GRIN2B: variants seen among roughly 807,000 people sequenced by gnomAD.
GRIN2B encodes the protein glutamate receptor ionotropic, NMDA 2B.
In GRIN2B, 5 loss-of-function variants were observed where a neutral mutation model predicts 114.5. That is an observed-to-expected ratio of 0.04 (90% CI 0.02 to 0.09). GRIN2B has a LOEUF of 0.09. GRIN2B is among the 10% of genes least tolerant of loss of function. The pLI is 1.00. For missense variants in GRIN2B, 1,108 were observed against 1,943.5 expected (o/e 0.57, Z 8.08); for synonymous variants, 787 against 745.1 (o/e 1.06, Z -0.92).
At chr12:13,835,029 G>C (rs779657910) in intron 3 of GRIN2B, among the ~76,000 whole-genome samples, 1 of 152,170 alleles carries the variant, frequency 6.6e-6, no homozygotes, top group Non-Finnish European at 1.5e-5. Flanking sequence ...CAAGGACAGA[G>C]CACCAGCAAT....
intron 2 of GRIN2B, among the ~76,000 whole-genome samples, chr12:13,941,968 C>T (rs920253714): frequency 1.3e-5 from 2 of 152,176 alleles, no homozygotes; most frequent in Admixed American, 6.5e-5. Flanking sequence ...AGGTCAAAGT[C>T]GGTACAAATG....
At chr12:13,626,787 C>T (rs373296902) in intron 5 of GRIN2B, among the ~76,000 whole-genome samples, 6 of 145,148 alleles carry the variant, frequency 4.1e-5, no homozygotes, top group African/African-American at 1.5e-4. Flanking sequence ...ATCCCTACCT[C>T]TCCTTCTGAC....
At chr12:13,746,803 G>A (rs1287772367) in intron 4 of GRIN2B, among the ~76,000 whole-genome samples, 1 of 152,138 alleles carries the variant, frequency 6.6e-6, no homozygotes, top group South Asian at 2.1e-4. Flanking sequence ...GTGAGAGCTG[G>A]TTATTTGAAG....
intron 4 of GRIN2B, among the ~76,000 whole-genome samples, chr12:13,717,389 G>A (rs1271984541): frequency 6.6e-6 from 1 of 151,904 alleles, no homozygotes; most frequent in African/African-American, 2.4e-5. Context: ...AGCCCCGCTT[G>A]GAATACTATC....
At chr12:13,733,209 T>C (rs1367119658) in intron 4 of GRIN2B, among the ~76,000 whole-genome samples, 1 of 151,984 alleles carries the variant, frequency 6.6e-6, no homozygotes, top group East Asian at 1.9e-4. Context: ...TATGGGGGTA[T>C]ATCAGGAAAA....
chr12:13,760,525 G>C (rs1167144336), intron 3 of GRIN2B, among the ~76,000 whole-genome samples: 1 of 152,156 alleles, frequency 6.6e-6, no homozygotes, highest in Non-Finnish European at 1.5e-5. Context: ...AATCAATCTG[G>C]TTTCCCTCTA....
chr12:13,725,156 C>T (rs1014552615), intron 4 of GRIN2B, among the ~76,000 whole-genome samples: 2 of 152,054 alleles, frequency 1.3e-5, no homozygotes, highest in African/African-American at 2.4e-5. Context: ...CTCAGCACAC[C>T]GTTGTCACTA....
At chr12:13,649,867 C>T (rs1949798164) in intron 5 of GRIN2B, among the ~76,000 whole-genome samples, 1 of 152,094 alleles carries the variant, frequency 6.6e-6, no homozygotes, top group South Asian at 2.1e-4. Flanking sequence ...AAGTACCCTT[C>T]TAGCGCTAAC....
At chr12:13,701,672 G>T (rs1407550820) in intron 4 of GRIN2B, among the ~76,000 whole-genome samples, 2 of 152,156 alleles carry the variant, frequency 1.3e-5, no homozygotes, top group Non-Finnish European at 2.9e-5. Context: ...ACAATGGAAG[G>T]TTTTGTTTTG....
intron 10 of GRIN2B, among the ~76,000 whole-genome samples, chr12:13,603,069 G>A (rs1949185328): frequency 6.6e-6 from 1 of 152,010 alleles, no homozygotes. Flanking sequence ...TCTCACTCCT[G>A]GTGCCACCAT....
intron 3 of GRIN2B, among the ~76,000 whole-genome samples, chr12:13,832,024 G>A (rs971088881): frequency 1.2e-4 from 19 of 152,272 alleles, no homozygotes; most frequent in African/African-American, 4.6e-4. Flanking sequence ...GGGGGGCAGG[G>A]TAGCATGTTT....
Position 13,807,173 on chromosome 12 carries a change from G to A in GRIN2B, c.412-53258C>T, listed in dbSNP as rs114752593. Among the ~76,000 whole-genome samples the A allele has an allele frequency of 4.8e-3, 734 of 152,160 alleles. 10 individuals carry two copies. Among genetic ancestry groups the A allele is most frequent in the African/African-American group, 0.017 (699 of 41,518 alleles). ...AGGGTGCAAGTTCTTTAATGTTTTTGAGAATGCTTTATGAAAAAAAGGTGG... is the reference window on the plus strand; with the variant it reads ...AGGGTGCAAGTTCTTTAATGTTTTTAAGAATGCTTTATGAAAAAAAGGTGG... On this transcript the variant is annotated intron_variant, in intron 3 of 13. Transcript: ENST00000609686.
At chr12:13,790,017 C>G (rs1311372033) in intron 3 of GRIN2B, among the ~76,000 whole-genome samples, 1 of 152,204 alleles carries the variant, frequency 6.6e-6, no homozygotes, top group Non-Finnish European at 1.5e-5. Context: ...GCCCCTGATA[C>G]TTGAGGTATG....
chr12:13,788,078 A>C (rs1284726340), intron 3 of GRIN2B, among the ~76,000 whole-genome samples: 1 of 152,226 alleles, frequency 6.6e-6, no homozygotes, highest in Non-Finnish European at 1.5e-5. Flanking sequence ...GGGAAGAGGA[A>C]GGAAGGATAA....
At chr12:13,860,997 C>A (rs1371801826) in intron 3 of GRIN2B, among the ~76,000 whole-genome samples, 1 of 152,200 alleles carries the variant, frequency 6.6e-6, no homozygotes, top group Non-Finnish European at 1.5e-5. Flanking sequence ...CCTAAAGTGT[C>A]TGTTTGCCAC....
intron 5 of GRIN2B, among the ~76,000 whole-genome samples, chr12:13,637,068 G>A (rs1949672358): frequency 6.6e-6 from 1 of 152,126 alleles, no homozygotes; most frequent in African/African-American, 2.4e-5. Flanking sequence ...AAATATTAAT[G>A]AGTAGGTGGG....
chr12:13,787,477 G>A (rs1279809942), intron 3 of GRIN2B, among the ~76,000 whole-genome samples: 1 of 152,196 alleles, frequency 6.6e-6, no homozygotes, highest in Non-Finnish European at 1.5e-5. Context: ...GCCTCTCCCT[G>A]TGCAATGTTA....
At chr12:13,843,023 T>C (rs993097386) in intron 3 of GRIN2B, among the ~76,000 whole-genome samples, 1 of 99,054 alleles carries the variant, frequency 1.0e-5, no homozygotes, top group Non-Finnish European at 2.2e-5. Context: ...TTTAAAATTT[T>C]TTATTATTTA....
chr12:13,834,543 A>G (rs868135916), intron 3 of GRIN2B, among the ~76,000 whole-genome samples: 1 of 152,112 alleles, frequency 6.6e-6, no homozygotes. Flanking sequence ...CTGGGTTCCC[A>G]TCATGTCACT....
Sources: allele counts gnomAD v4.1 joint callset (sites outside exome capture counted in the v4.1 genomes callset), GRCh38; gene constraint gnomAD v4.1.1; transcripts MANE v1.5; gene names NCBI Gene and HGNC (gene_info 2026-07-23, HGNC 2026-07-21).